The following EHMT2 variants were observed in gnomAD, a reference collection of about 807,000 sequenced individuals.
The protein encoded by EHMT2 is histone-lysine N-methyltransferase EHMT2.
A neutral mutation model predicts 143.3 loss-of-function variants in EHMT2; 59 were observed. That is an observed-to-expected ratio of 0.41 (90% CI 0.33 to 0.51). The LOEUF (loss-of-function observed/expected upper bound fraction) is 0.51, where lower values mean the gene tolerates loss of function less well. Among genes scored for constraint, EHMT2 ranks in the 20% least tolerant of loss-of-function variants. The pLI is 0.18. For synonymous variants in EHMT2, 604 were observed against 651.5 expected (o/e 0.93, Z 1.11); for missense variants, 1,174 against 1,645.9 (o/e 0.71, Z 4.96).
chr6:31,882,688 C>A lies in EHMT2; in HGVS notation c.3197+11G>T. ...TTCCCACCAGGTGTTAAGGTGCTCC[C>A]GGTGACTTACTCGCAGATGAAGGTC... On this transcript the variant is annotated intron_variant, in intron 25 of 27. Transcript: ENST00000375537. 1.2e-6 allele frequency: 2 copies of A among 1,610,572 alleles called. No individual in the cohort carries two copies. Among genetic ancestry groups the A allele is most frequent in the Non-Finnish European group, 1.7e-6 (2 of 1,179,056 alleles).
chr6:31,895,657 C>G (rs1766313284), intron 4 of EHMT2: 1 of 151,992 alleles, frequency 6.6e-6, no homozygotes, highest in South Asian at 2.1e-4. Flanking sequence ...ACAAAAAAAC[C>G]CCTACTTATA....
Position 31,883,846 on chromosome 6 carries a change from G to A in EHMT2, c.2876C>T (p.Thr959Met), listed in dbSNP as rs1710051986. Residue 959 changes from threonine (T) to methionine (M), a missense_variant, in exon 22 of 28, where the codon ACG (threonine) becomes ATG (methionine). This residue lies in a region of EHMT2 where 608 missense variants were observed against 903.7 expected (regional missense o/e 0.67). Coordinates refer to ENST00000375537, the Ensembl canonical transcript of EHMT2. The surrounding 1 kb of genome is among the most constrained non-coding windows in gnomAD (Gnocchi z 5.6). ...GTTGCGATCGATGTTCATGGTGGAC[G>A]TCTCGCAGTTCTCTGAGATGTACTT... 3.7e-6 allele frequency: 6 copies of A among 1,614,016 alleles called. No homozygotes were observed. Among genetic ancestry groups the A allele is most frequent in the Middle Eastern group, 1.7e-4 (1 of 6,054 alleles).
At chr6:31,896,127 A>G in intron 4 of EHMT2, 136 bp downstream of exon 4, 3 of 1,261,812 alleles carry the variant, frequency 2.4e-6, no homozygotes, top group Non-Finnish European at 3.3e-6. Flanking sequence ...GATCAAGCAC[A>G]GCCTAATATT....
chr6:31,896,469 A>G, exon 4 of EHMT2: 1 of 1,613,084 alleles, frequency 6.2e-7, no homozygotes, highest in Non-Finnish European at 8.5e-7. Flanking sequence ...CGGCTAGGAC[A>G]GGAACCCCCC....
In EHMT2 at chr6:31,883,648, G is replaced by A. The variant is rs893075024; in HGVS notation, c.2916+158C>T. 8.5e-7 allele frequency: 1 copy of A among 1,178,710 alleles called. No homozygotes were observed. Among genetic ancestry groups the A allele is most frequent in the South Asian group, 1.4e-5 (1 of 71,002 alleles). The allele number at this position is 1,178,710 out of a possible 1,614,324, so 73.0% of individuals were successfully genotyped here. ...CATATGATACCTTGCTGTGACCTAG[G>A]AAAAGGATCCCTCCCCTGGTGGGGA... On this transcript the variant is annotated intron_variant, in intron 22 of 27. Coordinates refer to ENST00000375537, the Ensembl canonical transcript of EHMT2. The surrounding 1 kb of genome is among the most constrained non-coding windows in gnomAD (Gnocchi z 5.6).
chr6:31,897,649 G>A, exon 1 of EHMT2: 4 of 1,164,322 alleles, frequency 3.4e-6, no homozygotes, highest in Non-Finnish European at 4.2e-6. Context: ...GGCGGCCGCC[G>A]CCGCTGCAGC....
chr6:31,891,084 A>G (rs1765620496), intron 7 of EHMT2, among the ~76,000 whole-genome samples: 1 of 151,898 alleles, frequency 6.6e-6, no homozygotes, highest in Admixed American at 6.6e-5. Context: ...CTGGAATTAC[A>G]GGCACGTACC....
chr6:31,888,792 C>T lies in EHMT2; in HGVS notation c.1217-45G>A, dbSNP rs1444714621. ...GAGCTGAGGGAGGCTCTGCACCTCA[C>T]CTACTGGGACCCCTGGCGGGTCCTC... On this transcript the variant is annotated intron_variant, in intron 10 of 27. Coordinates refer to ENST00000375537, the Ensembl canonical transcript of EHMT2. The surrounding 1 kb of genome is among the most constrained non-coding windows in gnomAD (Gnocchi z 7.4). The T allele has an allele frequency of 3.1e-6, 5 of 1,602,082 alleles. No homozygotes were observed. The African/African-American group carries it at 6.7e-5, about 21-fold the overall frequency.
Position 31,880,561 on chromosome 6 carries a change from A to C in EHMT2, c.3452+112T>G. The C allele has an allele frequency of 4.3e-6, 5 of 1,158,558 alleles. No individual in the cohort carries two copies. The South Asian group carries it at 4.3e-5, about 10-fold the overall frequency. The allele number at this position is 1,158,558 out of a possible 1,614,324, so 71.8% of individuals were successfully genotyped here. A position where few individuals can be genotyped will look rare whatever the true frequency, so the allele number is the denominator to read the frequency against. On this transcript the variant is annotated intron_variant, in intron 27 of 27. Transcript: ENST00000375537. The surrounding 1 kb of genome is among the most constrained non-coding windows in gnomAD (Gnocchi z 6.6). The stretch of plus-strand genomic sequence containing the variant: ...ATACTTATGTACACTGAAATCTGAG[A>C]AGCTCTGCACTACTCCATGCCTGGA...
In EHMT2 at chr6:31,880,003, C is replaced by A. The variant is rs577197191; in HGVS notation, c.*81G>T. ...GAGAGAAGATGGCAGCACCCCCAGG[C>A]ATGGGCTGCGAGCAGCTGGTGGCAG... On this transcript the variant is annotated 3_prime_UTR_variant, in exon 28 of 28. Coordinates refer to ENST00000375537, the Ensembl canonical transcript of EHMT2. This position sits in a 1 kb window ranked among gnomAD's most constrained non-coding sequence, Gnocchi z 6.6. 2.0e-6 allele frequency: 3 copies of A among 1,493,642 alleles called. No homozygotes were observed. The highest frequency in any genetic ancestry group is 1.4e-5 in the African/African-American group (1 of 73,146). 92.5% of individuals were successfully genotyped at this position (1,493,642 alleles called of 1,614,324 possible).
intron 1 of EHMT2, chr6:31,897,210 G>A (rs1562526000): frequency 2.4e-6 from 3 of 1,248,350 alleles, no homozygotes; most frequent in South Asian, 3.6e-5. Flanking sequence ...CATCTCTGGG[G>A]CCGAGAGAAG....
intron 4 of EHMT2, chr6:31,893,444 G>A (rs1765965044): frequency 2.5e-6 from 1 of 405,776 alleles, no homozygotes; most frequent in Non-Finnish European, 4.9e-6. Context: ...CAGCTTCCTG[G>A]GAAGCTGGGA....
Position 31,880,800 on chromosome 6 carries a change from G to A in EHMT2, c.3325C>T (p.Arg1109Cys). The stretch of plus-strand genomic sequence containing the variant: ...GGGTCACACAGGTGGTTGATGAAGC[G>A]GCTGATGTTGCCATAGTAACGGGCA... The change falls in exon 27 of 28, where the codon CGC (arginine) becomes TGC (cysteine). Residue 1109 changes from arginine to cysteine, a missense_variant. Around this residue, in one of 6 missense-constraint regions of EHMT2, gnomAD observed 44 missense variants for 113.5 expected, o/e 0.39. Transcript: ENST00000375537. This position sits in a 1 kb window ranked among gnomAD's most constrained non-coding sequence, Gnocchi z 6.6. The A allele has an allele frequency of 1.2e-6, 2 of 1,613,904 alleles. No individual in the cohort carries two copies. Among genetic ancestry groups the A allele is most frequent in the Non-Finnish European group, 1.7e-6 (2 of 1,180,026 alleles).
chr6:31,882,567 G>A (rs977097246), intron 25 of EHMT2, 132 bp downstream of exon 25: 5 of 895,478 alleles, frequency 5.6e-6, no homozygotes, highest in African/African-American at 4.9e-5. Flanking sequence ...GGGGTCAGAG[G>A]AGGCTGGCTG....
intron 24 of EHMT2, 34 bp downstream of exon 24, chr6:31,882,860 T>C (rs779903777): frequency 6.2e-7 from 1 of 1,610,892 alleles, no homozygotes; most frequent in Non-Finnish European, 8.5e-7. Flanking sequence ...AAGGGTGAGG[T>C]GGGGAGAGGG....
At position 31,888,384 on chromosome 6, in the gene EHMT2, G is replaced by A. The variant is rs1765185412; in HGVS notation, c.1488C>T (p.Gly496=). Reference sequence around the variant, plus strand: ...TCACCGCCGTGCAGAAGTAGCCGCAGCCCGGGCAGCAGTGGTGTTTGACCA... The same window carrying A: ...TCACCGCCGTGCAGAAGTAGCCGCAACCCGGGCAGCAGTGGTGTTTGACCA... Residue 496 remains glycine, a synonymous_variant, in exon 12 of 28, where the codon GGC becomes GGT. Transcript: ENST00000375537. The surrounding 1 kb of genome is among the most constrained non-coding windows in gnomAD (Gnocchi z 7.4). The A allele has an allele frequency of 6.2e-7, 1 of 1,612,820 alleles. No homozygotes were observed. Among genetic ancestry groups the A allele is most frequent in the Non-Finnish European group, 8.5e-7 (1 of 1,179,918 alleles).
chr6:31,882,573 G>A, intron 25 of EHMT2, 126 bp downstream of exon 25: 1 of 947,182 alleles, frequency 1.1e-6, no homozygotes, highest in South Asian at 1.5e-5. Context: ...AGAGGAGGCT[G>A]GCTGGAGAGT....
In EHMT2 at chr6:31,888,416, C is replaced by T. The variant is rs768623940; in HGVS notation, c.1456G>A (p.Ala486Thr). The change falls in exon 12 of 28, where the codon GCC becomes ACC. Residue 486 changes from alanine (A) to threonine (T), a missense_variant. By Grantham distance (58) the Ala-to-Thr change is moderately conservative. Transcript: ENST00000375537. This position sits in a 1 kb window ranked among gnomAD's most constrained non-coding sequence, Gnocchi z 7.4. ...CAGCAGTGGTGTTTGACCATGCGGG[C>T]GCGGTGGGTCTCACAGAGCACCATC... 9.9e-6 allele frequency: 16 copies of T among 1,612,694 alleles called. No homozygotes were observed. The highest frequency in any genetic ancestry group is 8.9e-5 in the East Asian group (4 of 44,878).
At chr6:31,892,267 A>ACAG (rs1765787915) in intron 7 of EHMT2, 140 bp downstream of exon 7, 1 of 979,858 alleles carries the variant, frequency 1.0e-6, no homozygotes, top group East Asian at 2.5e-5. Flanking sequence ...GGAGTTATAG[A>ACAG]CAGCATGGGG....
Sources: allele counts gnomAD v4.1 joint callset (sites outside exome capture counted in the v4.1 genomes callset), GRCh38; gene constraint gnomAD v4.1.1; regional missense constraint gnomAD v4.1.1; non-coding constraint Gnocchi (gnomAD v3.1); transcripts MANE v1.5; gene names NCBI Gene and HGNC (gene_info 2026-07-23, HGNC 2026-07-21).